The following INSL6 variants were observed in gnomAD, a reference collection of about 807,000 sequenced individuals.
INSL6 encodes insulin like 6, also known as insulin-like peptide INSL6.
In INSL6, 16 loss-of-function variants were observed where a neutral mutation model predicts 9.4. The ratio of observed to expected loss-of-function variants is 1.70; its 90% CI spans 1.15 to 2.59. The LOEUF is 2.59. Ranked by LOEUF, INSL6 falls within the 30% of genes most tolerant of loss-of-function variation. The pLI is 0.00. For missense variants in INSL6, 391 were observed against 257.3 expected (o/e 1.52, Z -3.56); for synonymous variants, 154 against 96.9 (o/e 1.59, Z -3.46).
chr9:5,184,424 A>G (rs1734591191), intron 1 of INSL6, among the ~76,000 whole-genome samples: 1 of 152,242 alleles, frequency 6.6e-6, no homozygotes, highest in South Asian at 2.1e-4. Flanking sequence ...ATGTAAAAAC[A>G]TAGTAAGATA....
the INSL6 span, chr9:5,022,163 C>G: frequency 4.3e-6 from 7 of 1,613,956 alleles, no homozygotes; most frequent in South Asian, 2.2e-5. Context: ...ACCTTTCCAT[C>G]TGGGGAGTAT....
the INSL6 span, among the ~76,000 whole-genome samples, chr9:5,013,521 C>T: frequency 6.6e-6 from 1 of 152,222 alleles, no homozygotes; most frequent in Non-Finnish European, 1.5e-5. Context: ...TTGAGAAGCA[C>T]TGACCTATCT....
chr9:5,065,549 G>T, the INSL6 span, among the ~76,000 whole-genome samples: 5 of 152,272 alleles, frequency 3.3e-5, no homozygotes, highest in South Asian at 1.0e-3. Flanking sequence ...ACATGTGGCT[G>T]TTTAGCATTT....
At chr9:5,064,901 T>C in the INSL6 span, 1 of 1,588,304 alleles carries the variant, frequency 6.3e-7, no homozygotes, top group Non-Finnish European at 8.6e-7. Flanking sequence ...ACTTAGCTCA[T>C]TAAGGGAAGC....
chr9:5,001,288 C>T, the INSL6 span, among the ~76,000 whole-genome samples: 16 of 152,244 alleles, frequency 1.1e-4, no homozygotes, highest in Admixed American at 3.9e-4. Context: ...ATGGAGAAAG[C>T]ATTCAATATG....
the INSL6 span, chr9:5,114,464 G>A: frequency 4.2e-6 from 2 of 470,840 alleles, no homozygotes; most frequent in Middle Eastern, 6.4e-4. Flanking sequence ...TGCAGTCCAC[G>A]ACCAAGATCA....
At chr9:5,182,443 T>C (rs1564058237) in intron 1 of INSL6, among the ~76,000 whole-genome samples, 1 of 152,272 alleles carries the variant, frequency 6.6e-6, no homozygotes, top group East Asian at 1.9e-4. Context: ...AATCACCTTC[T>C]GTAAATTATA....
chr9:5,177,364 C>G lies in INSL6; in HGVS notation c.289+7950G>C, dbSNP rs377581034. 1.2e-3 allele frequency among the ~76,000 whole-genome samples: 182 copies of G among 152,334 alleles called. 1 individual carries two copies. Among genetic ancestry groups the G allele is most frequent in the African/African-American group, 4.3e-3 (177 of 41,588 alleles). On this transcript the variant is annotated intron_variant, in intron 1 of 1. Transcript: ENST00000381641. ...GGGAAATCACATTTCTCCCAGAGATCTCTGAAACCCAGATCAGGAAATCCC... is the reference window on the plus strand; with the variant it reads ...GGGAAATCACATTTCTCCCAGAGATGTCTGAAACCCAGATCAGGAAATCCC...
the INSL6 span, among the ~76,000 whole-genome samples, chr9:5,103,221 C>CAAAAAAAAAAAAAAAAAAAAAA: frequency 2.9e-4 from 2 of 6,874 alleles, no homozygotes; most frequent in African/African-American, 5.9e-4. Flanking sequence ...AAAGGGAAAG[C>CAAAAAAAAAAAAAAAAAAAAAA]AAAAAAAAAA....
chr9:5,177,001 T>A (rs772325217), intron 1 of INSL6, among the ~76,000 whole-genome samples: 21 of 152,218 alleles, frequency 1.4e-4, no homozygotes, highest in Non-Finnish European at 2.6e-4. Context: ...AACTTTAAAA[T>A]CATAAGAATA....
At chr9:5,061,746 G>A in the INSL6 span, among the ~76,000 whole-genome samples, 1 of 152,176 alleles carries the variant, frequency 6.6e-6, no homozygotes. Context: ...TTTTCCTTTG[G>A]ATTCATAACT....
the INSL6 span, among the ~76,000 whole-genome samples, chr9:5,038,260 G>C: frequency 6.6e-6 from 1 of 152,124 alleles, no homozygotes; most frequent in Non-Finnish European, 1.5e-5. Context: ...AGAACAGAAA[G>C]TTTGAATAGG....
the INSL6 span, chr9:5,021,998 C>T: frequency 2.5e-6 from 4 of 1,612,946 alleles, no homozygotes; most frequent in Non-Finnish European, 2.5e-6. Context: ...ATGGGAATGG[C>T]CTGCCTTACG....
At chr9:5,018,519 C>T in the INSL6 span, among the ~76,000 whole-genome samples, 1 of 151,934 alleles carries the variant, frequency 6.6e-6, no homozygotes, top group Non-Finnish European at 1.5e-5. Context: ...TTGTATTTTT[C>T]GTAGACATGG....
At chr9:5,022,073 C>G in the INSL6 span, 7 of 1,613,876 alleles carry the variant, frequency 4.3e-6, no homozygotes, top group Non-Finnish European at 5.9e-6. Context: ...TCTGGAAATG[C>G]CAATTCTATG....
chr9:5,037,438 C>G, the INSL6 span, among the ~76,000 whole-genome samples: 303 of 152,268 alleles, frequency 2.0e-3, 3 homozygotes, highest in South Asian at 0.015. Flanking sequence ...TTCACAATAA[C>G]AAAGACTTGG....
At chr9:5,102,123 A>C in the INSL6 span, among the ~76,000 whole-genome samples, 4 of 152,166 alleles carry the variant, frequency 2.6e-5, no homozygotes, top group Non-Finnish European at 5.9e-5. Context: ...AACCCATCGC[A>C]AGGAAGCTAA....
chr9:5,126,829 C>A, intron 3 of INSL6: 2 of 1,291,202 alleles, frequency 1.5e-6, no homozygotes, highest in South Asian at 1.2e-5. Flanking sequence ...AGTAGATTTA[C>A]AGAACAAAGT....
At chr9:5,146,456 G>T (rs565587964) in intron 2 of INSL6, among the ~76,000 whole-genome samples, 1 of 152,326 alleles carries the variant, frequency 6.6e-6, no homozygotes, top group South Asian at 2.1e-4. Context: ...TGTGTGCACT[G>T]CTGCACTGGA....
Sources: gnomAD v4.1 joint callset for allele counts (sites outside exome capture counted in the v4.1 genomes callset) on GRCh38, gnomAD v4.1.1 for gene constraint, MANE v1.5 for transcripts, NCBI Gene and HGNC (gene_info 2026-07-23, HGNC 2026-07-21) for gene names.